IGF1: variants seen among roughly 807,000 people sequenced by gnomAD.
IGF1 encodes the protein insulin like growth factor 1.
Under a neutral mutation model 13.8 loss-of-function variants are expected in IGF1, and 4 were observed. The observed-to-expected ratio is 0.29, with a 90% CI of 0.14 to 0.66. IGF1 has a LOEUF of 0.66. Ranked by LOEUF, IGF1 falls within the 30% of genes least tolerant of loss-of-function variation. IGF1 has a pLI of 0.78. For missense variants in IGF1, 124 were observed against 188.5 expected, an observed-to-expected ratio of 0.66 and a Z score of 2.00; for synonymous variants, 76 against 72.6, an observed-to-expected ratio of 1.05 and a Z score of -0.23.
chr12:102,440,387 A>G (rs541541735), intron 2 of IGF1, among the ~76,000 whole-genome samples: 32 of 152,312 alleles, frequency 2.1e-4, no homozygotes, highest in African/African-American at 7.0e-4. Context: ...GATTTCTCCA[A>G]GAATCATGGA....
chr12:102,416,473 C>T (rs1421546364), intron 3 of IGF1, among the ~76,000 whole-genome samples: 1 of 152,216 alleles, frequency 6.6e-6, no homozygotes, highest in East Asian at 1.9e-4. Flanking sequence ...CCTCTCTTTT[C>T]CTTCTGGAAT....
chr12:102,421,287 T>C (rs1451056728), intron 2 of IGF1, among the ~76,000 whole-genome samples: 2 of 152,166 alleles, frequency 1.3e-5, no homozygotes, highest in Non-Finnish European at 2.9e-5. Context: ...GGCTGTGGCA[T>C]TTGGGAGGGA....
chr12:102,468,224 A>C (rs1007280009), intron 2 of IGF1, among the ~76,000 whole-genome samples: 1 of 152,222 alleles, frequency 6.6e-6, no homozygotes, highest in South Asian at 2.1e-4. Context: ...AATTTAAAAG[A>C]GGCTGTTTGG....
intron 2 of IGF1, among the ~76,000 whole-genome samples, chr12:102,442,459 T>TG (rs1863258322): frequency 6.6e-6 from 1 of 152,128 alleles, no homozygotes; most frequent in Non-Finnish European, 1.5e-5. Context: ...TTTTCCACAG[T>TG]GACTTTTCAC....
chr12:102,405,041 G>C (rs1015288454), intron 3 of IGF1, among the ~76,000 whole-genome samples: 2 of 151,392 alleles, frequency 1.3e-5, no homozygotes, highest in African/African-American at 4.8e-5. Context: ...ACAGGCGTAA[G>C]CTAAATGTGT....
intron 3 of IGF1, chr12:102,418,108 C>T (rs1396590132): frequency 2.4e-6 from 3 of 1,234,786 alleles, no homozygotes; most frequent in Non-Finnish European, 3.4e-6. Flanking sequence ...GGAGACAGCA[C>T]TCATGCTGGA....
rs1475209149 is a variant in IGF1, at chr12:102,415,556, T to TTCCTTCCTTCCTTCCTTCCG, written c.402+3952_402+3953insCGGAAGGAAGGAAGGAAGGA. On this transcript the variant is annotated intron_variant, in intron 3 of 3. Coordinates refer to ENST00000337514, the MANE Select transcript of IGF1 (RefSeq NM_000618.5). ...TTCTTCCTTCCCTTTCCTTCCTTCC[T>TTCCTTCCTTCCTTCCTTCCG]TCCTTCCTTCCTTCCTTCCTTCCTT... The TTCCTTCCTTCCTTCCTTCCG allele has an allele frequency of 2.6e-4, 34 of 132,044 alleles. 1 individual carries two copies. Among genetic ancestry groups the TTCCTTCCTTCCTTCCTTCCG allele is most frequent in the African/African-American group, 6.1e-4 (21 of 34,598 alleles). The allele number at this position is 132,044 out of a possible 1,614,324, so 8.2% of individuals were successfully genotyped here.
chr12:102,478,770 T>C (rs1179021217), intron 1 of IGF1: 1 of 652,544 alleles, frequency 1.5e-6, no homozygotes, highest in Non-Finnish European at 2.3e-6. Flanking sequence ...GTATGCCTAT[T>C]GTAGCAGCCC....
chr12:102,478,160 C>T (rs1002037286), intron 1 of IGF1, among the ~76,000 whole-genome samples: 5 of 150,992 alleles, frequency 3.3e-5, no homozygotes, highest in African/African-American at 9.7e-5. Flanking sequence ...AAAACAATAC[C>T]GAACTTGCTT....
At chr12:102,448,050 A>G (rs1230950696) in intron 2 of IGF1, among the ~76,000 whole-genome samples, 1 of 151,572 alleles carries the variant, frequency 6.6e-6, no homozygotes, top group Non-Finnish European at 1.5e-5. Flanking sequence ...TCCAAAATCT[A>G]TAAGGAACTT....
chr12:102,413,437 G>T (rs987962039), intron 3 of IGF1, among the ~76,000 whole-genome samples: 12 of 152,140 alleles, frequency 7.9e-5, no homozygotes, highest in Admixed American at 5.9e-4. Flanking sequence ...GGTCGTCAAG[G>T]GATGGAGGCG....
At chr12:102,407,916 G>T (rs1402387483) in intron 3 of IGF1, among the ~76,000 whole-genome samples, 1 of 152,126 alleles carries the variant, frequency 6.6e-6, no homozygotes, top group African/African-American at 2.4e-5. Context: ...TTGCCTGAGA[G>T]ATAGAATCTA....
At position 102,454,292 on chromosome 12, in the gene IGF1, C is replaced by CAAGA. The variant is rs1342046343; in HGVS notation, c.220+21350_220+21351insTCTT. 5.3e-5 allele frequency among the ~76,000 whole-genome samples: 8 copies of CAAGA among 152,312 alleles called. No individual in the cohort carries two copies. The South Asian group carries it at 1.5e-3, about 28-fold the overall frequency. On this transcript the variant is annotated intron_variant, in intron 2 of 3. Coordinates refer to ENST00000337514, the MANE Select transcript of IGF1 (RefSeq NM_000618.5). Reference sequence around the variant, plus strand: ...AGGCATCATGGCAAGGTTTTGGAAGCTCTTCCCTTCTGAAGCTTGCCATTA... The same window carrying CAAGA: ...AGGCATCATGGCAAGGTTTTGGAAGCAAGATCTTCCCTTCTGAAGCTTGCCATTA...
chr12:102,471,354 C>T (rs750350911), intron 2 of IGF1, among the ~76,000 whole-genome samples: 9 of 152,116 alleles, frequency 5.9e-5, no homozygotes, highest in Admixed American at 5.9e-4. Context: ...TGGACAAGGA[C>T]GTTTAGACCC....
At chr12:102,459,977 G>A (rs1285572836) in intron 2 of IGF1, among the ~76,000 whole-genome samples, 4 of 152,158 alleles carry the variant, frequency 2.6e-5, no homozygotes, top group Admixed American at 6.5e-5. Flanking sequence ...TTTGGAGCAG[G>A]AGTGGCATAG....
intron 2 of IGF1, among the ~76,000 whole-genome samples, chr12:102,445,825 G>A (rs1271095926): frequency 4.6e-5 from 7 of 152,162 alleles, no homozygotes; most frequent in African/African-American, 1.2e-4. Context: ...TTCAAAGGGA[G>A]TGCTTCCAGC....
rs1873258131 is a variant in IGF1 at position 102,397,073 on chromosome 12, G to T, written c.*5434C>A. 2.8e-6 allele frequency: 1 copy of T among 356,118 alleles called. No individual in the cohort carries two copies. The allele number at this position is 356,118 out of a possible 1,614,324, so 22.1% of individuals were successfully genotyped here. ...AAAAATTAGCCGGGCATAGTGGTGGGTGCCTGTAATCCCAGCTACTCAGGA... is the reference window on the plus strand; with the variant it reads ...AAAAATTAGCCGGGCATAGTGGTGGTTGCCTGTAATCCCAGCTACTCAGGA... On this transcript the variant is annotated 3_prime_UTR_variant, in exon 4 of 4. Transcript: ENST00000337514.
At chr12:102,460,839 C>T (rs1362856652) in intron 2 of IGF1, among the ~76,000 whole-genome samples, 3 of 152,162 alleles carry the variant, frequency 2.0e-5, no homozygotes, top group Non-Finnish European at 4.4e-5. Context: ...CCAATACTAT[C>T]TTATCCTTGT....
chr12:102,446,094 C>A (rs564534225), intron 2 of IGF1, among the ~76,000 whole-genome samples: 1 of 152,024 alleles, frequency 6.6e-6, no homozygotes, highest in Non-Finnish European at 1.5e-5. Context: ...CGTGGATAAG[C>A]TTTTTGATGT....
Sources: allele counts gnomAD v4.1 joint callset (sites outside exome capture counted in the v4.1 genomes callset), GRCh38; gene constraint gnomAD v4.1.1; transcripts MANE v1.5; gene names NCBI Gene and HGNC (gene_info 2026-07-23, HGNC 2026-07-21).